Variants in SYN3 observed in about 807,000 individuals in gnomAD.
SYN3 encodes synapsin-3.
A neutral mutation model predicts 65.8 loss-of-function variants in SYN3; 35 were observed. That is an observed-to-expected ratio of 0.53 (90% CI 0.41 to 0.70). SYN3 has a LOEUF of 0.70. Among genes scored for constraint, SYN3 ranks in the 30% least tolerant of loss-of-function variants. The pLI, the probability that SYN3 is intolerant of heterozygous loss-of-function variation, is 0.00. For synonymous variants in SYN3, 270 were observed against 292.9 expected, an observed-to-expected ratio of 0.92 and a Z score of 0.80; for missense variants, 680 against 749.0, an observed-to-expected ratio of 0.91 and a Z score of 1.08.
At chr22:32,683,085 C>G (rs1404464172) in intron 6 of SYN3, among the ~76,000 whole-genome samples, 1 of 152,086 alleles carries the variant, frequency 6.6e-6, no homozygotes, top group Non-Finnish European at 1.5e-5. Context: ...AGGTGTGATG[C>G]GGGTTGCAGA....
intron 3 of SYN3, among the ~76,000 whole-genome samples, chr22:32,969,030 C>G (rs1396989853): frequency 6.6e-6 from 1 of 152,198 alleles, no homozygotes; most frequent in Non-Finnish European, 1.5e-5. Context: ...TTAATTTCCA[C>G]TGGAGTCTCA....
At chr22:32,798,130 A>C (rs1350497491) in intron 6 of SYN3, among the ~76,000 whole-genome samples, 5 of 152,206 alleles carry the variant, frequency 3.3e-5, no homozygotes, top group Non-Finnish European at 5.9e-5. Flanking sequence ...AACACACAAG[A>C]GATAAACCTG....
At chr22:32,562,522 C>T (rs751713061) in intron 7 of SYN3, among the ~76,000 whole-genome samples, 3 of 152,194 alleles carry the variant, frequency 2.0e-5, no homozygotes, top group Non-Finnish European at 4.4e-5. Context: ...GCTCCTCTCT[C>T]CCTGGTCTCT....
chr22:32,807,349 A>ATTTT (rs2046775036), intron 6 of SYN3, among the ~76,000 whole-genome samples: 1 of 1,048 alleles, frequency 9.5e-4, no homozygotes, highest in Non-Finnish European at 1.8e-3. Context: ...TAATATATAA[A>ATTTT]TATATAATAT....
At chr22:32,729,531 G>A (rs146653033) in intron 6 of SYN3, among the ~76,000 whole-genome samples, 309 of 152,332 alleles carry the variant, frequency 2.0e-3, no homozygotes, top group Non-Finnish European at 3.6e-3. Flanking sequence ...CCGCTACCAC[G>A]CATTTAGAAA....
At chr22:32,549,985 T>G (rs550538908) in intron 7 of SYN3, among the ~76,000 whole-genome samples, 74 of 152,224 alleles carry the variant, frequency 4.9e-4, no homozygotes, top group African/African-American at 1.7e-3. Context: ...TGGAGGCTAG[T>G]CCTCACTGTA....
At chr22:32,601,268 CT>C (rs5845009) in intron 6 of SYN3, among the ~76,000 whole-genome samples, 54,785 of 149,968 alleles carry the variant, frequency 0.37, 12,839 homozygotes, top group African/African-American at 0.67. Context: ...TTTCCTTTGC[CT>C]TTTTTTTTCT....
chr22:32,620,067 G>T (rs2059573490), intron 6 of SYN3, among the ~76,000 whole-genome samples: 1 of 152,240 alleles, frequency 6.6e-6, no homozygotes, highest in African/African-American at 2.4e-5. Context: ...CTGACTCATA[G>T]ATTTGTGAGC....
intron 4 of SYN3, among the ~76,000 whole-genome samples, chr22:32,881,276 G>C (rs117188860): frequency 0.015 from 2,234 of 152,206 alleles, 21 homozygotes; most frequent in Non-Finnish European, 0.025. Flanking sequence ...AAAAATGATG[G>C]TACTGCCGAG....
intron 7 of SYN3, among the ~76,000 whole-genome samples, chr22:32,583,658 C>T (rs572352321): frequency 6.6e-6 from 1 of 152,288 alleles, no homozygotes; most frequent in Admixed American, 6.5e-5. Flanking sequence ...AAACGGTCCT[C>T]ACAGGGATAA....
At chr22:32,745,217 A>C (rs563064755) in intron 6 of SYN3, among the ~76,000 whole-genome samples, 20 of 152,172 alleles carry the variant, frequency 1.3e-4, no homozygotes, top group Non-Finnish European at 2.1e-4. Context: ...CATCCAGAGC[A>C]GATGGAGAGC....
chr22:33,034,899 T>C (rs1199242496), intron 1 of SYN3, among the ~76,000 whole-genome samples: 17 of 152,102 alleles, frequency 1.1e-4, no homozygotes, highest in African/African-American at 4.1e-4. Flanking sequence ...TCTCCTCTCC[T>C]GGTGCCAAGA....
chr22:32,780,167 T>G (rs1392231570), intron 6 of SYN3, among the ~76,000 whole-genome samples: 1 of 152,048 alleles, frequency 6.6e-6, no homozygotes, highest in Non-Finnish European at 1.5e-5. Context: ...TTTCTTTGTG[T>G]ACCTGTCTGG....
chr22:32,643,560 G>GGGGA (rs2059936126), intron 6 of SYN3, among the ~76,000 whole-genome samples: 1 of 126,526 alleles, frequency 7.9e-6, no homozygotes, highest in African/African-American at 3.1e-5. Flanking sequence ...GGGGGGGCGG[G>GGGGA]GGGGGCAGAA....
chr22:32,917,873 G>A (rs911922211), intron 4 of SYN3, among the ~76,000 whole-genome samples: 2 of 152,172 alleles, frequency 1.3e-5, no homozygotes, highest in African/African-American at 4.8e-5. Flanking sequence ...CCGTTCCCAC[G>A]CCCCACCTCT....
chr22:33,054,511 A>T lies in SYN3; in HGVS notation c.-163+3781T>A, dbSNP rs73164306. 9.3e-3 allele frequency among the ~76,000 whole-genome samples: 1,411 copies of T among 152,228 alleles called. 14 individuals are homozygous for T. Among genetic ancestry groups the T allele is most frequent in the South Asian group, 0.026 (124 of 4,826 alleles). ...ACTGTCGCCTCTATCTAGTTCCAAA[A>T]CATTTTCATCACCTCAAAAGGAAAC... On this transcript the variant is annotated intron_variant, in intron 1 of 13. Transcript: ENST00000358763.
At chr22:32,910,588 C>A (rs2050025268) in intron 4 of SYN3, among the ~76,000 whole-genome samples, 1 of 151,936 alleles carries the variant, frequency 6.6e-6, no homozygotes, top group African/African-American at 2.4e-5. Flanking sequence ...GATTCAGACC[C>A]CAGCTTCACC....
At chr22:32,858,119 A>G in intron 6 of SYN3, 1 of 1,614,080 alleles carries the variant, frequency 6.2e-7, no homozygotes. Context: ...TATCGGTATC[A>G]CCTGGGTTGT....
rs546708624 is a variant in SYN3, at chr22:33,029,552, T to G, written c.-162-22728A>C. ...CAATAATTACAGCTCTGTCAGGCACTGCTCTGACCCTGAACTCATGCCATC... is the reference window on the plus strand; with the variant it reads ...CAATAATTACAGCTCTGTCAGGCACGGCTCTGACCCTGAACTCATGCCATC... On this transcript the variant is annotated intron_variant, in intron 1 of 13. Transcript: ENST00000358763. Among the ~76,000 whole-genome samples the G allele has an allele frequency of 2.0e-5, 3 of 152,304 alleles. No individual in the cohort carries two copies. The South Asian group carries it at 6.2e-4, about 32-fold the overall frequency.
Sources: gnomAD v4.1 joint callset for allele counts (sites outside exome capture counted in the v4.1 genomes callset) on GRCh38, gnomAD v4.1.1 for gene constraint, MANE v1.5 for transcripts, NCBI Gene and HGNC (gene_info 2026-07-23, HGNC 2026-07-21) for gene names.